Variants in AGBL1 observed in about 807,000 individuals in gnomAD.
The protein encoded by AGBL1 is cytosolic carboxypeptidase 4.
Under a neutral mutation model 118.9 loss-of-function variants are expected in AGBL1, and 130 were observed. That is an observed-to-expected ratio of 1.09 (90% CI 0.95 to 1.26). AGBL1 has a LOEUF of 1.26. Ranked by LOEUF, AGBL1 falls within the 50% of genes most tolerant of loss-of-function variation. AGBL1 has a pLI of 0.00. For synonymous variants in AGBL1, 555 were observed against 478.9 expected, an observed-to-expected ratio of 1.16 and a Z score of -2.08; for missense variants, 1,584 against 1,298.1, an observed-to-expected ratio of 1.22 and a Z score of -3.38.
chr15:86,669,197 T>A (rs1001664932), intron 21 of AGBL1, among the ~76,000 whole-genome samples: 14 of 152,260 alleles, frequency 9.2e-5, no homozygotes, highest in African/African-American at 3.4e-4. Context: ...TACTGTACGA[T>A]GCCCAGAAAC....
chr15:86,247,608 A>G, intron 6 of AGBL1, 63 bp from the exon 7 acceptor site: 1 of 1,452,764 alleles, frequency 6.9e-7, no homozygotes, highest in Non-Finnish European at 9.5e-7. Flanking sequence ...ACACTGGAAC[A>G]TTCTCAAAGA....
At chr15:86,485,905 C>A (rs553359173) in intron 18 of AGBL1, among the ~76,000 whole-genome samples, 6 of 152,126 alleles carry the variant, frequency 3.9e-5, no homozygotes, top group Admixed American at 2.6e-4. Flanking sequence ...AAACCTTGAC[C>A]ACATCTCTCC....
intron 23 of AGBL1, among the ~76,000 whole-genome samples, chr15:86,982,095 A>G (rs1041325116): frequency 2.6e-5 from 4 of 152,184 alleles, no homozygotes; most frequent in Non-Finnish European, 5.9e-5. Flanking sequence ...CAGGTACCTC[A>G]TGCTGATCAC....
chr15:86,319,084 C>T (rs931188608), intron 17 of AGBL1, among the ~76,000 whole-genome samples: 4 of 152,208 alleles, frequency 2.6e-5, no homozygotes, highest in East Asian at 1.9e-4. Context: ...CTGACATTTA[C>T]TTATCCAATC....
chr15:86,131,948 G>GA (rs11331970), intron 1 of AGBL1, among the ~76,000 whole-genome samples: 18,349 of 132,678 alleles, frequency 0.14, 1,220 homozygotes, highest in East Asian at 0.25. Context: ...ACCATGTCTC[G>GA]AAAAAAAAAA....
chr15:86,555,674 G>C (rs2083723718), intron 21 of AGBL1, among the ~76,000 whole-genome samples: 1 of 152,162 alleles, frequency 6.6e-6, no homozygotes, highest in Non-Finnish European at 1.5e-5. Flanking sequence ...GGATGAGTCT[G>C]AGATTGGGCA....
chr15:86,827,318 CACACACATATAT>C (rs2079026888), intron 22 of AGBL1, among the ~76,000 whole-genome samples: 2 of 11,300 alleles, frequency 1.8e-4, no homozygotes, highest in African/African-American at 4.4e-4. Context: ...TATATATATA[CACACACATATAT>C]ATATATATGT....
intron 22 of AGBL1, among the ~76,000 whole-genome samples, chr15:86,756,381 T>C (rs1000686632): frequency 1.3e-5 from 2 of 151,890 alleles, no homozygotes; most frequent in Non-Finnish European, 1.5e-5. Context: ...GGAACTACCA[T>C]GTGCTGGGGA....
Position 86,635,290 on chromosome 15 carries a change from C to G in AGBL1, c.2995-38983C>G, listed in dbSNP as rs1170754032. ...TCCTCCTCCTCCTCCTTCCCCTCCC[C>G]CTCCCCCTCCCCTCCTCCTCCTCCT... On this transcript the variant is annotated intron_variant, in intron 21 of 22. Transcript: ENST00000614907. Among the ~76,000 whole-genome samples the G allele has an allele frequency of 4.5e-4, 25 of 55,240 alleles. 1 individual carries two copies. Among genetic ancestry groups the G allele is most frequent in the Non-Finnish European group, 7.6e-4 (22 of 29,030 alleles). 36.2% of individuals were successfully genotyped at this position (55,240 alleles called of 152,430 possible). A position where few individuals can be genotyped will look rare whatever the true frequency, so the allele number is the denominator to read the frequency against.
chr15:86,670,494 C>T lies in AGBL1; in HGVS notation c.2995-3779C>T, dbSNP rs576322477. Among the ~76,000 whole-genome samples the T allele has an allele frequency of 3.7e-3, 565 of 151,430 alleles. 2 individuals are homozygous for T. Among genetic ancestry groups the T allele is most frequent in the Non-Finnish European group, 6.2e-3 (424 of 67,842 alleles). On this transcript the variant is annotated intron_variant, in intron 21 of 22. Coordinates refer to ENST00000614907, the MANE Select transcript of AGBL1 (RefSeq NM_001386094.1). ...TGGCAGGTATCTGTAATCACAGCTA[C>T]TCGGGAGGCTGAGGCAGGAGAATTG... is the stretch of plus-strand genomic sequence containing the variant.
rs560871416 is a variant in AGBL1, at chr15:87,015,785, A to T, written c.3324-13040A>T. 3.3e-5 allele frequency among the ~76,000 whole-genome samples: 5 copies of T among 152,326 alleles called. No homozygotes were observed. The South Asian group carries it at 1.0e-3, about 32-fold the overall frequency. On this transcript the variant is annotated intron_variant, in intron 24 of 24. Transcript: ENST00000441037. ...GGGATAGAGCTTTAAGTCTAAGCTA[A>T]CTTGAAAACTAAAACATTAGGAGTA... is the stretch of plus-strand genomic sequence containing the variant.
At chr15:86,528,133 G>A (rs563699096) in intron 19 of AGBL1, among the ~76,000 whole-genome samples, 1 of 152,310 alleles carries the variant, frequency 6.6e-6, no homozygotes, top group African/African-American at 2.4e-5. Context: ...AACAGCTCCG[G>A]TCTACAGCTC....
intron 3 of AGBL1, among the ~76,000 whole-genome samples, chr15:86,151,102 A>G (rs2077102373): frequency 6.7e-6 from 1 of 149,548 alleles, no homozygotes; most frequent in Non-Finnish European, 1.5e-5. Flanking sequence ...GAATTGAACA[A>G]TGAGAACACA....
At chr15:86,295,625 C>G (rs2141776975) in intron 17 of AGBL1, 1 of 409,282 alleles carries the variant, frequency 2.4e-6, no homozygotes, top group East Asian at 4.1e-5. Flanking sequence ...TGAATTCAAA[C>G]TGTCCGGCAG....
Position 86,597,935 on chromosome 15 carries a change from A to C in AGBL1, c.2994+43398A>C, listed in dbSNP as rs541892318. ...TAAAAGAGAGGGAACAAAGATAAGA[A>C]AGTTTGCCATTGTTGATAGTCCTGA... is the stretch of plus-strand genomic sequence containing the variant. On this transcript the variant is annotated intron_variant, in intron 21 of 22. Coordinates refer to ENST00000614907, the MANE Select transcript of AGBL1 (RefSeq NM_001386094.1). Among the ~76,000 whole-genome samples, 13 of 152,192 alleles carry C rather than the reference A, an allele frequency of 8.5e-5. No homozygotes were observed. The East Asian group carries it at 2.5e-3, about 29-fold the overall frequency.
chr15:86,607,080 G>T lies in AGBL1; in HGVS notation c.2994+52543G>T, dbSNP rs139348865. Among the ~76,000 whole-genome samples the T allele has an allele frequency of 6.4e-3, 971 of 152,258 alleles. 10 individuals are homozygous for T. The highest frequency in any genetic ancestry group is 0.022 in the African/African-American group (907 of 41,554). On this transcript the variant is annotated intron_variant, in intron 21 of 22. Coordinates refer to ENST00000614907, the MANE Select transcript of AGBL1 (RefSeq NM_001386094.1). ...AATGATACAGTATGAAGCCTTTTCA[G>T]ATTGGCTTCTTTCACTTAGCAATAT... is the stretch of plus-strand genomic sequence containing the variant.
At chr15:86,750,101 G>T (rs1474885112) in intron 22 of AGBL1, among the ~76,000 whole-genome samples, 2 of 152,028 alleles carry the variant, frequency 1.3e-5, no homozygotes, top group African/African-American at 4.8e-5. Context: ...GCTCCTCCTT[G>T]TACTGCTAGA....
intron 6 of AGBL1, among the ~76,000 whole-genome samples, chr15:86,238,652 C>G (rs562538879): frequency 3.3e-5 from 5 of 152,206 alleles, no homozygotes; most frequent in African/African-American, 1.2e-4. Context: ...AAACATCACC[C>G]TTGGTAAGAA....
At chr15:86,857,153 C>T in intron 22 of AGBL1, among the ~76,000 whole-genome samples, 1 of 152,164 alleles carries the variant, frequency 6.6e-6, no homozygotes, top group East Asian at 1.9e-4. Context: ...ATCCCCCAGC[C>T]AGCATGCTGT....
Sources: allele counts gnomAD v4.1 joint callset (sites outside exome capture counted in the v4.1 genomes callset), GRCh38; gene constraint gnomAD v4.1.1; transcripts MANE v1.5; gene names NCBI Gene and HGNC (gene_info 2026-07-23, HGNC 2026-07-21).